Variants in TMEM14A observed in about 807,000 individuals in gnomAD.
TMEM14A encodes the protein transmembrane protein 14A.
In TMEM14A, 8 loss-of-function variants were observed where a neutral mutation model predicts 11.6. The observed-to-expected ratio is 0.69, with a 90% CI of 0.40 to 1.24. The LOEUF (loss-of-function observed/expected upper bound fraction) is 1.24. TMEM14A is among the 50% of genes most tolerant of loss of function. The pLI is 0.01. For missense variants in TMEM14A, 108 were observed against 121.9 expected, an observed-to-expected ratio of 0.89 and a Z score of 0.54; for synonymous variants, 34 against 45.5, an observed-to-expected ratio of 0.75 and a Z score of 1.02.
chr6:52,672,811 T>G (rs1769186919), intron 1 of TMEM14A, among the ~76,000 whole-genome samples: 1 of 152,218 alleles, frequency 6.6e-6, no homozygotes, highest in Non-Finnish European at 1.5e-5. Flanking sequence ...CTTACTTTAC[T>G]GCAACAGCTT....
At chr6:52,673,521 T>C (rs1581741116) in intron 1 of TMEM14A, among the ~76,000 whole-genome samples, 1 of 152,328 alleles carries the variant, frequency 6.6e-6, no homozygotes, top group Middle Eastern at 3.4e-3. Flanking sequence ...CTCTTGAACC[T>C]GTTGCCTTCC....
chr6:52,672,946 ACCAGACTC>A (rs1769189427), intron 1 of TMEM14A, among the ~76,000 whole-genome samples: 1 of 152,168 alleles, frequency 6.6e-6, no homozygotes, highest in South Asian at 2.1e-4. Context: ...TTAGGACGGA[ACCAGACTC>A]CCTTTACGGG....
chr6:52,685,930 G>A, intron 4 of TMEM14A, 80 bp from the exon 5 acceptor site: 3 of 1,385,858 alleles, frequency 2.2e-6, no homozygotes, highest in Admixed American at 1.9e-5. Flanking sequence ...ACACTACTGG[G>A]TAGGCGAGTG....
rs186388926 is a variant in TMEM14A, at chr6:52,683,301, A to G, written c.173-777A>G. Among the ~76,000 whole-genome samples the G allele has an allele frequency of 1.1e-3, 168 of 152,134 alleles. 2 individuals carry two copies. The highest frequency in any genetic ancestry group is 3.9e-3 in the African/African-American group (160 of 41,520). On this transcript the variant is annotated intron_variant, in intron 3 of 4. Coordinates refer to ENST00000211314, the MANE Select transcript of TMEM14A (RefSeq NM_014051.4). ...ATAGCAAGACCCTGTCTCTACTAAA[A>G]GTACAAAAATTAGCTGGATGTGGTT...
intron 2 of TMEM14A, among the ~76,000 whole-genome samples, chr6:52,678,319 A>G (rs72938809): frequency 1.6e-4 from 22 of 133,706 alleles, no homozygotes; most frequent in South Asian, 4.8e-4. Flanking sequence ...GAGTGTGTGT[A>G]TGTGTGTGTT....
At position 52,680,669 on chromosome 6, in the gene TMEM14A, G is replaced by GTATATATATATACATATATGTATA. The variant is rs1554137462; in HGVS notation, c.71-1132_71-1131insCATATATGTATATATATATATATA. Among the ~76,000 whole-genome samples, 14 of 35,964 alleles carry GTATATATATATACATATATGTATA rather than the reference G, an allele frequency of 3.9e-4. No individual in the cohort carries two copies. In the Admixed American group the frequency reaches 4.0e-3, roughly 10 times the overall value. The allele number at this position is 35,964 out of a possible 152,430, so 23.6% of individuals were successfully genotyped here. On this transcript the variant is annotated intron_variant, in intron 2 of 4. Transcript: ENST00000211314. ...TATATATGTGTGTGTATATATATGT[G>GTATATATATATACATATATGTATA]TATATATATATATACATATATGTAT...
intron 2 of TMEM14A, among the ~76,000 whole-genome samples, chr6:52,681,084 G>T (rs1769383748): frequency 6.6e-6 from 1 of 152,092 alleles, no homozygotes; most frequent in African/African-American, 2.4e-5. Flanking sequence ...GTTCCATGAA[G>T]CAAGGATTGT....
chr6:52,677,095 C>A lies in TMEM14A; in HGVS notation c.-8C>A, dbSNP rs777052554. 6.2e-7 allele frequency: 1 copy of A among 1,614,132 alleles called. No individual in the cohort carries two copies. The highest frequency in any genetic ancestry group is 2.2e-5 in the East Asian group (1 of 44,878). Reference sequence around the variant, plus strand: ...TTTCCCCCTTGCTTTAGAATTGCAACCTTGCCAATGGACCTGATCGGTTTT... The same window carrying A: ...TTTCCCCCTTGCTTTAGAATTGCAAACTTGCCAATGGACCTGATCGGTTTT... On this transcript the variant is annotated 5_prime_UTR_variant, in exon 2 of 5. Coordinates refer to ENST00000211314, the MANE Select transcript of TMEM14A (RefSeq NM_014051.4).
rs746930655 is a variant in TMEM14A at position 52,677,139 on chromosome 6, A to T, written c.37A>T (p.Thr13Ser). ...CGGTTTTGGTTATGCAGCCCTCGTG[A>T]CATTTGGAAGCATTTTTGGATATAA... is the stretch of plus-strand genomic sequence containing the variant. ...LIGFGYAALV[T>S]FGSIFGYKRR... Residue 13 changes from threonine (T) to serine (S), a missense_variant, in exon 2 of 5, where the codon ACA becomes TCA. Physicochemically the swap from Thr to Ser is moderately conservative, Grantham distance 58. Coordinates refer to ENST00000211314, the MANE Select transcript of TMEM14A (RefSeq NM_014051.4). 1.5e-5 allele frequency: 24 copies of T among 1,614,052 alleles called. No homozygotes were observed. In the Admixed American group the frequency reaches 4.0e-4, roughly 27 times the overall value.
In TMEM14A at chr6:52,680,691, G is replaced by GTGTATATATATATATATATA. The variant is rs758417981; in HGVS notation, c.71-1121_71-1120insGTATATATATATATATATAT. On this transcript the variant is annotated intron_variant, in intron 2 of 4. Transcript: ENST00000211314. ...TGTGTATATATATATATACATATAT[G>GTGTATATATATATATATATA]TATATATATATATACACATATATAT... 1.0e-3 allele frequency among the ~76,000 whole-genome samples: 37 copies of GTGTATATATATATATATATA among 35,268 alleles called. 1 individual carries two copies. Among genetic ancestry groups the GTGTATATATATATATATATA allele is most frequent in the Non-Finnish European group, 1.7e-3 (25 of 14,594 alleles). 23.1% of individuals were successfully genotyped at this position (35,268 alleles called of 152,430 possible).
intron 3 of TMEM14A, 63 bp downstream of exon 3, chr6:52,681,977 C>A: frequency 7.2e-7 from 1 of 1,398,122 alleles, no homozygotes. Context: ...TTTTGATACC[C>A]TATGCTAGAT....
At position 52,686,151 on chromosome 6, in the gene TMEM14A, A is replaced by G. The variant is rs1355116702; in HGVS notation, c.*102A>G. The G allele has an allele frequency of 6.9e-6, 8 of 1,158,586 alleles. No homozygotes were observed. Among genetic ancestry groups the G allele is most frequent in the East Asian group, 2.5e-5 (1 of 40,098 alleles). The allele number at this position is 1,158,586 out of a possible 1,614,324, so 71.8% of individuals were successfully genotyped here. On this transcript the variant is annotated 3_prime_UTR_variant, in exon 5 of 5. Coordinates refer to ENST00000211314, the MANE Select transcript of TMEM14A (RefSeq NM_014051.4). ...GATAAACTTCAATATGGAATGCTAG[A>G]AACACAAATAGCACTGTCACCTCTA...
Position 52,678,329 on chromosome 6 carries a change from T to TGTG in TMEM14A, c.70+1157_70+1158insGTG, listed in dbSNP as rs1769301533. The stretch of plus-strand genomic sequence containing the variant: ...ATAGAGAGTGTGTGTATGTGTGTGT[T>TGTG]TGTGTGTGTGTGTGTGTGTGTGTGT... On this transcript the variant is annotated intron_variant, in intron 2 of 4. Coordinates refer to ENST00000211314, the MANE Select transcript of TMEM14A (RefSeq NM_014051.4). Among the ~76,000 whole-genome samples the TGTG allele has an allele frequency of 9.3e-4, 28 of 30,136 alleles. 1 individual carries two copies. The highest frequency in any genetic ancestry group is 2.3e-3 in the African/African-American group (26 of 11,380). The allele number at this position is 30,136 out of a possible 152,430, so 19.8% of individuals were successfully genotyped here.
intron 2 of TMEM14A, among the ~76,000 whole-genome samples, chr6:52,679,267 G>T (rs1769321366): frequency 6.6e-6 from 1 of 152,202 alleles, no homozygotes; most frequent in African/African-American, 2.4e-5. Context: ...CTCCAGAGAG[G>T]TGGATGACCA....
chr6:52,680,607 ATATATG>A (rs1769351776), intron 2 of TMEM14A, among the ~76,000 whole-genome samples: 3 of 113,250 alleles, frequency 2.6e-5, no homozygotes, highest in Admixed American at 1.1e-4. Context: ...ATATATATAT[ATATATG>A]TATATATATG....
chr6:52,681,958 A>AG, intron 3 of TMEM14A, 44 bp downstream of exon 3: 1 of 1,542,500 alleles, frequency 6.5e-7, no homozygotes, highest in Non-Finnish European at 8.9e-7. Flanking sequence ...CAAACATTGG[A>AG]GGTGATCTTT....
At position 52,684,063 on chromosome 6, in the gene TMEM14A, T is replaced by C. The variant is rs374991529; in HGVS notation, c.173-15T>C. The C allele has an allele frequency of 8.1e-6, 13 of 1,609,336 alleles. No individual in the cohort carries two copies. The African/African-American group carries it at 1.7e-4, about 22-fold the overall frequency. ...ATGTTTGAAACTCTGGTTCATGAAT[T>C]AGTTTGGTTTTCAGTTACAGCTTTC... is the stretch of plus-strand genomic sequence containing the variant. On this transcript the variant is annotated splice_polypyrimidine_tract_variant and intron_variant, in intron 3 of 4. Coordinates refer to ENST00000211314, the MANE Select transcript of TMEM14A (RefSeq NM_014051.4).
At position 52,677,208 on chromosome 6, in the gene TMEM14A, G is replaced by A. The variant is rs767944463; in HGVS notation, c.70+36G>A. On this transcript the variant is annotated intron_variant, in intron 2 of 4. Transcript: ENST00000211314. ...CCCAAATTTTCATGAAAGGGAATTA[G>A]TGGGGGTTTGGAGGTTGTGCTAGGT... 8 of 1,608,292 alleles carry A rather than the reference G, an allele frequency of 5.0e-6. No individual in the cohort carries two copies. In the South Asian group the frequency reaches 8.8e-5, roughly 18 times the overall value.
intron 1 of TMEM14A, among the ~76,000 whole-genome samples, chr6:52,672,656 T>C (rs1354397980): frequency 6.6e-6 from 1 of 151,948 alleles, no homozygotes; most frequent in Non-Finnish European, 1.5e-5. Context: ...TAGGGGTGAG[T>C]CATCTCTGAT....
Sources: allele counts gnomAD v4.1 joint callset (sites outside exome capture counted in the v4.1 genomes callset), GRCh38; gene constraint gnomAD v4.1.1; transcripts MANE v1.5; gene names NCBI Gene and HGNC (gene_info 2026-07-23, HGNC 2026-07-21).